The following DMD variants were observed in gnomAD, a reference collection of about 807,000 sequenced individuals.
DMD encodes the protein dystrophin.
DMD carries 63 observed loss-of-function variants against 330.1 expected under a neutral mutation model. The observed-to-expected ratio is 0.19, with a 90% CI of 0.16 to 0.24. DMD has a LOEUF of 0.24. Among genes scored for constraint, DMD ranks in the 10% least tolerant of loss-of-function variants. The pLI is 1.00. For synonymous variants in DMD, 1,223 were observed against 959.8 expected, an observed-to-expected ratio of 1.27 and a Z score of -5.07; for missense variants, 3,344 against 2,684.1, an observed-to-expected ratio of 1.25 and a Z score of -5.43.
At chrX:31,361,097 A>G (rs1297188325) in intron 60 of DMD, among the ~76,000 whole-genome samples, 1 of 111,171 alleles carries the variant, frequency 9.0e-6, no homozygotes, top group Non-Finnish European at 1.9e-5. Context: ...TGTCTCTTAA[A>G]AAAAAATAAC....
intron 44 of DMD, among the ~76,000 whole-genome samples, chrX:31,979,383 T>C (rs901221445): frequency 1.8e-5 from 2 of 112,017 alleles, no homozygotes; most frequent in Admixed American, 9.5e-5. Flanking sequence ...ATTGAAAATT[T>C]ATGATTGTCT....
At chrX:32,860,573 G>A (rs1243676113) in intron 2 of DMD, among the ~76,000 whole-genome samples, 4 of 104,002 alleles carry the variant, frequency 3.8e-5, no homozygotes, top group Non-Finnish European at 5.9e-5. Context: ...GAAGCTTTCC[G>A]AGTTGATTTT....
At chrX:32,270,633 C>A in intron 43 of DMD, among the ~76,000 whole-genome samples, 1 of 111,206 alleles carries the variant, frequency 9.0e-6, no homozygotes. Context: ...GAAGAGAGAA[C>A]GCTAGTTATA....
intron 44 of DMD, among the ~76,000 whole-genome samples, chrX:32,087,589 T>C (rs992247442): frequency 1.8e-5 from 2 of 111,958 alleles, no homozygotes; most frequent in Admixed American, 9.5e-5. Flanking sequence ...GACCCGCTAG[T>C]CCGAGTCAAT....
rs147958895 is a variant in DMD at position 31,712,499 on chromosome X, T to C, written c.7660+17132A>G. The stretch of plus-strand genomic sequence containing the variant: ...ACACACTTTGAAAAGCTCATGTCTT[T>C]GTTAATTTTATTTAATATATTTTTA... On this transcript the variant is annotated intron_variant, in intron 52 of 78. Transcript: ENST00000357033. Among the ~76,000 whole-genome samples, 12 of 111,751 alleles carry C rather than the reference T, an allele frequency of 1.1e-4. No individual in the cohort carries two copies. In the East Asian group the frequency reaches 2.8e-3, roughly 26 times the overall value.
intron 76 of DMD, among the ~76,000 whole-genome samples, chrX:31,141,983 GA>G (rs1476554931): frequency 9.0e-6 from 1 of 111,357 alleles, no homozygotes; most frequent in African/African-American, 3.3e-5. Flanking sequence ...GATACAAGCA[GA>G]CAAATTCAAA....
At chrX:31,442,210 G>C (rs1021896810) in intron 60 of DMD, among the ~76,000 whole-genome samples, 9 of 111,989 alleles carry the variant, frequency 8.0e-5, no homozygotes, top group African/African-American at 1.9e-4. Context: ...CAGATATCTA[G>C]AGACAGAATC....
chrX:31,136,183 G>T (rs908473189), intron 76 of DMD, among the ~76,000 whole-genome samples: 5 of 110,764 alleles, frequency 4.5e-5, no homozygotes, highest in South Asian at 3.9e-4. Flanking sequence ...AAACCTCTTT[G>T]CAATATTAAG....
chrX:32,082,686 C>G (rs1426291100), intron 44 of DMD, among the ~76,000 whole-genome samples: 3 of 112,037 alleles, frequency 2.7e-5, no homozygotes, highest in Non-Finnish European at 5.6e-5. Flanking sequence ...TTTCCTACAA[C>G]TAGATTTTTC....
intron 51 of DMD, among the ~76,000 whole-genome samples, chrX:31,771,896 A>T: frequency 9.0e-6 from 1 of 111,036 alleles, no homozygotes; most frequent in Non-Finnish European, 1.9e-5. Context: ...TATTTAGAGA[A>T]CTCTGGAGAC....
intron 37 of DMD, among the ~76,000 whole-genome samples, chrX:32,362,503 A>C (rs747941732): frequency 8.1e-5 from 9 of 111,360 alleles, no homozygotes; most frequent in African/African-American, 2.6e-4. Flanking sequence ...TGACCCCTGA[A>C]AGTACGTATG....
At chrX:32,067,670 C>T (rs751418922) in intron 44 of DMD, among the ~76,000 whole-genome samples, 1 of 111,720 alleles carries the variant, frequency 9.0e-6, no homozygotes, top group South Asian at 3.7e-4. Flanking sequence ...ATCTATGTTG[C>T]TGCAAAGGAT....
intron 51 of DMD, among the ~76,000 whole-genome samples, chrX:31,771,633 C>T (rs957499300): frequency 9.1e-6 from 1 of 110,013 alleles, no homozygotes; most frequent in African/African-American, 3.3e-5. Flanking sequence ...TCCCTAGTAG[C>T]TGGGATTATA....
intron 61 of DMD, chrX:31,348,258 CAA>C (rs1008968907): frequency 1.3e-5 from 4 of 318,810 alleles, no homozygotes; most frequent in Non-Finnish European, 1.7e-5. Flanking sequence ...GGCTCCTGAG[CAA>C]AGTGTTCCAC....
intron 44 of DMD, among the ~76,000 whole-genome samples, chrX:32,045,066 G>C (rs1388976379): frequency 9.1e-6 from 1 of 109,999 alleles, no homozygotes; most frequent in Non-Finnish European, 1.9e-5. Flanking sequence ...TAGTGAGTGA[G>C]TTTTCATGAG....
intron 44 of DMD, 119 bp downstream of exon 44, chrX:32,216,797 A>C (rs1431578275): frequency 7.9e-6 from 5 of 630,307 alleles, no homozygotes; most frequent in African/African-American, 7.2e-5. Context: ...TAATATAATG[A>C]TGACAACAAC....
At chrX:32,429,038 C>T (rs181806263) in intron 29 of DMD, among the ~76,000 whole-genome samples, 80 of 110,964 alleles carry the variant, frequency 7.2e-4, no homozygotes, top group African/African-American at 2.3e-3. Flanking sequence ...TAATCCTTTT[C>T]GGAAAATCTG....
intron 44 of DMD, among the ~76,000 whole-genome samples, chrX:32,030,068 T>C (rs1044390836): frequency 8.9e-6 from 1 of 112,077 alleles, no homozygotes; most frequent in Non-Finnish European, 1.9e-5. Context: ...GTGCTAGATG[T>C]TGAAACTCTT....
At chrX:32,791,574 G>A (rs924716317) in intron 7 of DMD, among the ~76,000 whole-genome samples, 1 of 111,874 alleles carries the variant, frequency 8.9e-6, no homozygotes, top group Non-Finnish European at 1.9e-5. Context: ...CATACAGGAA[G>A]TATACTACTA....
Sources: allele counts gnomAD v4.1 joint callset (sites outside exome capture counted in the v4.1 genomes callset), GRCh38; gene constraint gnomAD v4.1.1; transcripts MANE v1.5; gene names NCBI Gene and HGNC (gene_info 2026-07-23, HGNC 2026-07-21).